The following PDS5A variants were observed in gnomAD, a reference collection of about 807,000 sequenced individuals.
PDS5A encodes PDS5 cohesin associated factor A.
A neutral mutation model predicts 167.1 loss-of-function variants in PDS5A; 42 were observed. That is an observed-to-expected ratio of 0.25 (90% CI 0.20 to 0.33). The LOEUF (loss-of-function observed/expected upper bound fraction) is 0.33, where lower values mean the gene tolerates loss of function less well. Among genes scored for constraint, PDS5A ranks in the 10% least tolerant of loss-of-function variants. PDS5A has a pLI of 1.00. For missense variants in PDS5A, 1,033 were observed against 1,605.9 expected (o/e 0.64, Z 6.10); for synonymous variants, 553 against 554.6 (o/e 1.00, Z 0.04).
chr4:39,916,204 AC>A (rs60479986), intron 8 of PDS5A, among the ~76,000 whole-genome samples: 62,762 of 138,874 alleles, frequency 0.45, 14,691 homozygotes, highest in South Asian at 0.57. Flanking sequence ...AAAAACAACA[AC>A]AACAAAAAAA....
chr4:39,843,577 T>C (rs1717261388), intron 30 of PDS5A, among the ~76,000 whole-genome samples: 1 of 152,002 alleles, frequency 6.6e-6, no homozygotes. Context: ...CTGGGAGTGG[T>C]GGCGTGTGCC....
intron 16 of PDS5A, among the ~76,000 whole-genome samples, chr4:39,895,499 T>C (rs1052485566): frequency 2.6e-5 from 4 of 152,124 alleles, no homozygotes; most frequent in African/African-American, 9.7e-5. Context: ...GCACTTACCA[T>C]AAATGAAGCT....
chr4:39,865,851 A>T (rs1719399970), intron 23 of PDS5A, among the ~76,000 whole-genome samples: 1 of 152,242 alleles, frequency 6.6e-6, no homozygotes, highest in Non-Finnish European at 1.5e-5. Context: ...TTTAAAAAGG[A>T]ATGCATCATA....
intron 2 of PDS5A, among the ~76,000 whole-genome samples, chr4:39,970,508 C>T (rs1376077719): frequency 6.6e-6 from 1 of 150,660 alleles, no homozygotes; most frequent in Non-Finnish European, 1.5e-5. Flanking sequence ...ATTCTCTTCA[C>T]ATTTCACTGT....
At chr4:39,973,344 T>C (rs1470806960) in intron 2 of PDS5A, 19 of 1,606,064 alleles carry the variant, frequency 1.2e-5, no homozygotes, top group Admixed American at 1.7e-5. Flanking sequence ...GCTGTTGCAT[T>C]GTAACTTGTG....
chr4:39,933,988 G>A (rs1290146487), intron 2 of PDS5A, among the ~76,000 whole-genome samples: 1 of 152,152 alleles, frequency 6.6e-6, no homozygotes, highest in Non-Finnish European at 1.5e-5. Flanking sequence ...GTGTGTGCGG[G>A]CAGGCACATA....
intron 2 of PDS5A, among the ~76,000 whole-genome samples, chr4:39,939,513 G>A (rs73229722): frequency 0.071 from 10,834 of 151,628 alleles, 486 homozygotes; most frequent in Non-Finnish European, 0.1. Context: ...GCTTTACTGC[G>A]GCTGGGCAAA....
chr4:39,947,108 T>C (rs1560508145), intron 2 of PDS5A, among the ~76,000 whole-genome samples: 1 of 152,068 alleles, frequency 6.6e-6, no homozygotes. Flanking sequence ...TAAAATATGT[T>C]TTTTAAAAAT....
rs140894540 is a variant in PDS5A, at chr4:39,911,395, C to CA, written c.993-1058dup. 2.5e-3 allele frequency among the ~76,000 whole-genome samples: 323 copies of CA among 128,512 alleles called. 1 individual carries two copies. The highest frequency in any genetic ancestry group is 0.012 in the Middle Eastern group (3 of 250). 84.3% of individuals were successfully genotyped at this position (128,512 alleles called of 152,430 possible). A position where few individuals can be genotyped will look rare whatever the true frequency, so the allele number is the denominator to read the frequency against. On this transcript the variant is annotated intron_variant, in intron 9 of 32. Coordinates refer to ENST00000303538, the MANE Select transcript of PDS5A (RefSeq NM_001100399.2). ...TGGGCGATGAAGTAAGACTCCGTCT[C>CA]AAAAAAAAAAAAAAAATTTGTGTTG...
At chr4:39,951,846 G>A (rs1481375692) in intron 2 of PDS5A, among the ~76,000 whole-genome samples, 2 of 136,634 alleles carry the variant, frequency 1.5e-5, no homozygotes, top group Non-Finnish European at 3.0e-5. Flanking sequence ...GTTACAGTGA[G>A]CCAAGATCGC....
intron 2 of PDS5A, among the ~76,000 whole-genome samples, chr4:39,960,447 G>C (rs570738520): frequency 1.2e-3 from 180 of 152,270 alleles, no homozygotes; most frequent in African/African-American, 4.2e-3. Context: ...AGGAAGCTAT[G>C]AATTAATGTC....
At chr4:39,829,949 T>TCAAAAA (rs1715686682) in intron 32 of PDS5A, among the ~76,000 whole-genome samples, 1 of 21,378 alleles carries the variant, frequency 4.7e-5, no homozygotes, top group African/African-American at 3.5e-4. Flanking sequence ...AGACTCCAAC[T>TCAAAAA]CAAAAAAAAA....
chr4:39,951,028 A>C (rs569745002), intron 2 of PDS5A, among the ~76,000 whole-genome samples: 4 of 151,974 alleles, frequency 2.6e-5, no homozygotes, highest in Admixed American at 2.6e-4. Flanking sequence ...CATCCTCCCA[A>C]GTAGCTGGGA....
intron 2 of PDS5A, 59 bp from the exon 3 acceptor site, chr4:39,928,223 G>T: frequency 8.6e-7 from 1 of 1,159,148 alleles, no homozygotes; most frequent in Non-Finnish European, 1.2e-6. Context: ...AATCAGTGGA[G>T]GATGTGATTT....
intron 32 of PDS5A, among the ~76,000 whole-genome samples, chr4:39,831,448 T>C (rs1362904862): frequency 6.6e-6 from 1 of 152,222 alleles, no homozygotes; most frequent in Non-Finnish European, 1.5e-5. Flanking sequence ...GAGCTTATTA[T>C]TGAGCTTGAC....
chr4:39,930,930 AAAAG>A (rs1159094140), intron 2 of PDS5A, among the ~76,000 whole-genome samples: 3 of 152,364 alleles, frequency 2.0e-5, no homozygotes, highest in South Asian at 2.1e-4. Context: ...TGTATTTTAC[AAAAG>A]AAAGAATGCA....
intron 30 of PDS5A, among the ~76,000 whole-genome samples, chr4:39,844,156 A>C (rs551512890): frequency 1.3e-5 from 2 of 152,014 alleles, no homozygotes; most frequent in African/African-American, 4.8e-5. Flanking sequence ...TCTCTTAAAA[A>C]AAAATTACAT....
At chr4:39,939,807 A>AAAAC (rs886457714) in intron 2 of PDS5A, among the ~76,000 whole-genome samples, 4 of 151,966 alleles carry the variant, frequency 2.6e-5, no homozygotes, top group African/African-American at 7.3e-5. Context: ...CAAAAAAACA[A>AAAAC]AAACAAACAA....
chr4:39,896,903 C>T (rs1578692196), intron 16 of PDS5A, among the ~76,000 whole-genome samples: 1 of 145,128 alleles, frequency 6.9e-6, no homozygotes, highest in East Asian at 2.0e-4. Flanking sequence ...CCGTTATAAT[C>T]TTTTTTTTTT....
Sources: allele counts gnomAD v4.1 joint callset (sites outside exome capture counted in the v4.1 genomes callset), GRCh38; gene constraint gnomAD v4.1.1; transcripts MANE v1.5; gene names NCBI Gene and HGNC (gene_info 2026-07-23, HGNC 2026-07-21).